SGTA: variants seen among roughly 807,000 people sequenced by gnomAD.
The protein encoded by SGTA is small glutamine rich tetratricopeptide repeat co-chaperone alpha.
SGTA carries 22 observed loss-of-function variants against 44.3 expected under a neutral mutation model. The ratio of observed to expected loss-of-function variants is 0.50; its 90% CI spans 0.36 to 0.71. SGTA has a LOEUF of 0.71. Ranked by LOEUF, SGTA falls within the 30% of genes least tolerant of loss-of-function variation. The pLI is 0.00. For missense variants in SGTA, 341 were observed against 435.9 expected (o/e 0.78, Z 1.94); for synonymous variants, 174 against 177.6 (o/e 0.98, Z 0.16).
chr19:2,778,611 C>T (rs1339628443), intron 1 of SGTA, among the ~76,000 whole-genome samples: 2 of 151,880 alleles, frequency 1.3e-5, no homozygotes, highest in African/African-American at 4.8e-5. Flanking sequence ...CCAGCTTAGA[C>T]ACCCTGGGCT....
rs199904934 is a variant in SGTA at position 2,757,321 on chromosome 19, G to C, written c.*6+16C>G. 1 of 1,597,832 alleles carries C rather than the reference G, an allele frequency of 6.3e-7. No individual in the cohort carries two copies. Among genetic ancestry groups the C allele is most frequent in the Non-Finnish European group, 8.5e-7 (1 of 1,178,728 alleles). On this transcript the variant is annotated intron_variant, in intron 11 of 11. Transcript: ENST00000221566. The stretch of plus-strand genomic sequence containing the variant: ...TCCTGCTGGCCACCCCCCAGCCCCC[G>C]GCCCCATGCACTCACGCAGCGTCAC...
In SGTA at chr19:2,761,633, C is replaced by A; in HGVS notation, c.637-111G>T. On this transcript the variant is annotated intron_variant, in intron 7 of 11. Transcript: ENST00000221566. This position sits in a 1 kb window ranked among gnomAD's most constrained non-coding sequence, Gnocchi z 5.7. Reference sequence around the variant, plus strand: ...CCACGGGGCTCAGACATTCTATCAACCCTGCGGCCAGAGGGTGCTTTGAGG... The same window carrying A: ...CCACGGGGCTCAGACATTCTATCAAACCTGCGGCCAGAGGGTGCTTTGAGG... 2.2e-6 allele frequency: 2 copies of A among 895,976 alleles called. No homozygotes were observed. The highest frequency in any genetic ancestry group is 3.5e-6 in the Non-Finnish European group (2 of 567,420). 55.5% of individuals were successfully genotyped at this position (895,976 alleles called of 1,614,324 possible). A position where few individuals can be genotyped will look rare whatever the true frequency, so the allele number is the denominator to read the frequency against.
chr19:2,756,110 G>A (rs1914812383), intron 11 of SGTA, among the ~76,000 whole-genome samples, 177 bp from the exon 12 acceptor site: 1 of 152,148 alleles, frequency 6.6e-6, no homozygotes, highest in Admixed American at 6.6e-5. Flanking sequence ...GGCCACGTGT[G>A]GCTGGTGGCG....
At chr19:2,766,725 C>T (rs995900545) in intron 4 of SGTA, among the ~76,000 whole-genome samples, 1 of 152,070 alleles carries the variant, frequency 6.6e-6, no homozygotes, top group Non-Finnish European at 1.5e-5. Context: ...TGTGAGCCAC[C>T]GCGCCCGGCC....
In SGTA at chr19:2,761,017, G is replaced by A. The variant is rs1914973891; in HGVS notation, c.699+443C>T. On this transcript the variant is annotated intron_variant, in intron 8 of 11. Coordinates refer to ENST00000221566, the MANE Select transcript of SGTA (RefSeq NM_003021.4). The surrounding 1 kb of genome is among the most constrained non-coding windows in gnomAD (Gnocchi z 5.7). ...AGCATGAGTGCCCGGGCATCGGGAGGTCCACCTGCGCCCGGCGCACCCGGC... is the reference window on the plus strand; with the variant it reads ...AGCATGAGTGCCCGGGCATCGGGAGATCCACCTGCGCCCGGCGCACCCGGC... Among the ~76,000 whole-genome samples the A allele has an allele frequency of 6.6e-6, 1 of 152,226 alleles. No individual in the cohort carries two copies.
At chr19:2,759,132 G>C in intron 9 of SGTA, 125 bp downstream of exon 9, 1 of 816,844 alleles carries the variant, frequency 1.2e-6, no homozygotes, top group South Asian at 1.5e-5. Flanking sequence ...GCATGACAGT[G>C]TGAAAGTCCT....
At chr19:2,769,522 G>T (rs1915240070) in intron 1 of SGTA, among the ~76,000 whole-genome samples, 1 of 152,208 alleles carries the variant, frequency 6.6e-6, no homozygotes, top group South Asian at 2.1e-4. Context: ...CCACAGTGCT[G>T]AGAGGGAGAG....
intron 8 of SGTA, 133 bp from the exon 9 acceptor site, chr19:2,759,427 C>CGGTCT: frequency 2.5e-6 from 2 of 795,396 alleles, no homozygotes; most frequent in South Asian, 3.1e-5. Flanking sequence ...GCCGGGCATT[C>CGGTCT]GGTCTTTCAT....
At position 2,761,399 on chromosome 19, in the gene SGTA, C is replaced by G. The variant is rs942576836; in HGVS notation, c.699+61G>C. The G allele has an allele frequency of 2.9e-6, 4 of 1,401,954 alleles. No individual in the cohort carries two copies. Among genetic ancestry groups the G allele is most frequent in the Admixed American group, 2.0e-5 (1 of 50,762 alleles). The allele number at this position is 1,401,954 out of a possible 1,614,324, so 86.8% of individuals were successfully genotyped here. ...AAGCCCTGGCCAGTAGCGGACACAG[C>G]AGATGCGGGCCTGGGGGGTGGCGCA... On this transcript the variant is annotated intron_variant, in intron 8 of 11. Transcript: ENST00000221566. This position sits in a 1 kb window ranked among gnomAD's most constrained non-coding sequence, Gnocchi z 5.7.
intron 1 of SGTA, chr19:2,778,068 C>A (rs2144742146): frequency 6.6e-6 from 1 of 151,644 alleles, no homozygotes; most frequent in Non-Finnish European, 1.5e-5. Context: ...CCGCATAAAC[C>A]TAGAAGGCGG....
intron 9 of SGTA, 62 bp from the exon 10 acceptor site, chr19:2,757,844 C>G: frequency 8.8e-7 from 1 of 1,131,876 alleles, no homozygotes; most frequent in Non-Finnish European, 1.2e-6. Flanking sequence ...CACTGCAGGC[C>G]CTCGCAGTGG....
intron 1 of SGTA, among the ~76,000 whole-genome samples, chr19:2,779,602 G>C (rs1377768391): frequency 6.6e-6 from 1 of 152,236 alleles, no homozygotes; most frequent in Non-Finnish European, 1.5e-5. Flanking sequence ...ATGCTCAGGA[G>C]CCATGGCCGA....
intron 2 of SGTA, among the ~76,000 whole-genome samples, chr19:2,768,022 C>T (rs1915198453): frequency 6.6e-6 from 1 of 152,266 alleles, no homozygotes; most frequent in Non-Finnish European, 1.5e-5. Flanking sequence ...TGGAGGGCCA[C>T]GTCAGGGGTG....
In SGTA at chr19:2,767,737, A is replaced by T. The variant is rs1439220148; in HGVS notation, c.101-51T>A. The T allele has an allele frequency of 4.1e-6, 6 of 1,462,202 alleles. No individual in the cohort carries two copies. Among genetic ancestry groups the T allele is most frequent in the Non-Finnish European group, 5.7e-6 (6 of 1,043,708 alleles). 90.6% of individuals were successfully genotyped at this position (1,462,202 alleles called of 1,614,324 possible). On this transcript the variant is annotated intron_variant, in intron 2 of 11. Coordinates refer to ENST00000221566, the MANE Select transcript of SGTA (RefSeq NM_003021.4). This position sits in a 1 kb window ranked among gnomAD's most constrained non-coding sequence, Gnocchi z 7.3. ...ATTCATTGCACGCAGCCCCGAGGTT[A>T]CGTTTTTGGGTCTAGAGGGCGGGGT...
chr19:2,769,974 C>T (rs1316209012), intron 1 of SGTA, among the ~76,000 whole-genome samples: 2 of 93,926 alleles, frequency 2.1e-5, no homozygotes, highest in Non-Finnish European at 4.5e-5. Context: ...TAGTTCCCCC[C>T]TCGGACACCC....
At position 2,754,879 on chromosome 19, in the gene SGTA, A is replaced by T. The variant is rs1028086663; in HGVS notation, c.*1061T>A. On this transcript the variant is annotated 3_prime_UTR_variant, in exon 12 of 12. Coordinates refer to ENST00000221566, the MANE Select transcript of SGTA (RefSeq NM_003021.4). This position sits in a 1 kb window ranked among gnomAD's most constrained non-coding sequence, Gnocchi z 4.4. ...CCTACCTCACAGACGGCCAGGAGCC[A>T]GGGAGCCCCAGGATGCTCCGACTGA... is the stretch of plus-strand genomic sequence containing the variant. 5 of 152,250 alleles carry T rather than the reference A, an allele frequency of 3.3e-5. No individual in the cohort carries two copies. The highest frequency in any genetic ancestry group is 2.6e-4 in the Admixed American group (4 of 15,284). 9.4% of individuals were successfully genotyped at this position (152,250 alleles called of 1,614,324 possible). A position where few individuals can be genotyped will look rare whatever the true frequency, so the allele number is the denominator to read the frequency against.
rs929676423 is a variant in SGTA, at chr19:2,765,268, C to T, written c.310G>A (p.Val104Met). The T allele has an allele frequency of 2.5e-6, 4 of 1,613,640 alleles. No individual in the cohort carries two copies. Among genetic ancestry groups the T allele is most frequent in the Admixed American group, 3.3e-5 (2 of 59,996 alleles). Reference sequence around the variant, plus strand: ...TGCACGGCAGCTTCAAAGTTTTCCACTTTCATCTGCTCGTTTCCTACAGGG... The same window carrying T: ...TGCACGGCAGCTTCAAAGTTTTCCATTTTCATCTGCTCGTTTCCTACAGGG... ...LKTEGNEQMK[V>M]ENFEAAVHFY... The change falls in exon 5 of 12, where the codon GTG becomes ATG. Residue 104 changes from valine (V) to methionine (M), a missense_variant. Val to Met is a conservative substitution (Grantham distance 21). Coordinates refer to ENST00000221566, the MANE Select transcript of SGTA (RefSeq NM_003021.4). This position sits in a 1 kb window ranked among gnomAD's most constrained non-coding sequence, Gnocchi z 5.5.
chr19:2,757,052 G>A (rs571273700), intron 11 of SGTA, among the ~76,000 whole-genome samples: 43 of 152,288 alleles, frequency 2.8e-4, no homozygotes, highest in African/African-American at 1.0e-3. Flanking sequence ...AGGGAGCTGT[G>A]GCTCTCCCCT....
intron 1 of SGTA, among the ~76,000 whole-genome samples, chr19:2,782,255 TG>T (rs762610981): frequency 9.2e-5 from 14 of 152,082 alleles, no homozygotes; most frequent in Non-Finnish European, 4.4e-5. Context: ...CAAGAATCCC[TG>T]GGGCACAGAA....
Sources: gnomAD v4.1 joint callset for allele counts (sites outside exome capture counted in the v4.1 genomes callset) on GRCh38, gnomAD v4.1.1 for gene constraint, Gnocchi (gnomAD v3.1) non-coding constraint, MANE v1.5 for transcripts, NCBI Gene and HGNC (gene_info 2026-07-23, HGNC 2026-07-21) for gene names.